The following C16orf46 variants were observed in gnomAD, a reference collection of about 807,000 sequenced individuals.
C16orf46 encodes the protein uncharacterized protein C16orf46.
C16orf46 carries 7 observed loss-of-function variants against 5.5 expected under a neutral mutation model. That is an observed-to-expected ratio of 1.28 (90% confidence interval 0.73 to 2.40). C16orf46 has a LOEUF of 2.40. Ranked by LOEUF, C16orf46 falls within the 30% of genes most tolerant of loss-of-function variation. The pLI is 0.00. For synonymous variants in C16orf46, 200 were observed against 184.1 expected, an observed-to-expected ratio of 1.09 and a Z score of -0.70; for missense variants, 614 against 476.0, an observed-to-expected ratio of 1.29 and a Z score of -2.70.
intron 1 of C16orf46, chr16:81,076,650 A>C (rs1972051835): frequency 6.5e-6 from 1 of 152,700 alleles, no homozygotes. Context: ...AGCGCAAGTC[A>C]TCAAACACAC....
chr16:81,066,659 A>C (rs1019362760), intron 1 of C16orf46, among the ~76,000 whole-genome samples: 1 of 152,216 alleles, frequency 6.6e-6, no homozygotes, highest in African/African-American at 2.4e-5. Flanking sequence ...TTTATGTTGG[A>C]ATGCAGACAT....
At chr16:81,066,967 T>C (rs1597146764) in intron 1 of C16orf46, among the ~76,000 whole-genome samples, 1 of 152,342 alleles carries the variant, frequency 6.6e-6, no homozygotes, top group East Asian at 1.9e-4. Context: ...CAGAAGGTAT[T>C]AAACTCTATT....
chr16:81,055,848 G>C (rs1201824022), intron 3 of C16orf46: 1 of 152,244 alleles, frequency 6.6e-6, no homozygotes, highest in African/African-American at 2.4e-5. Context: ...ATCCCAAGTA[G>C]CTGGGATTAT....
chr16:81,070,885 T>G (rs938920728), intron 1 of C16orf46, among the ~76,000 whole-genome samples: 1 of 152,134 alleles, frequency 6.6e-6, no homozygotes, highest in African/African-American at 2.4e-5. Flanking sequence ...ATGTATAGTT[T>G]CACTGCTGGA....
At chr16:81,055,748 G>A (rs1251832945) in intron 3 of C16orf46, among the ~76,000 whole-genome samples, 1 of 152,062 alleles carries the variant, frequency 6.6e-6, no homozygotes, top group Non-Finnish European at 1.5e-5. Flanking sequence ...GAGACGGACT[G>A]TCGCTCTGTC....
intron 3 of C16orf46, among the ~76,000 whole-genome samples, chr16:81,055,087 G>T (rs1242860327): frequency 6.6e-6 from 1 of 152,140 alleles, no homozygotes; most frequent in Non-Finnish European, 1.5e-5. Context: ...CTACTTTCCT[G>T]AAATTTAGAG....
downstream of C16orf46, among the ~76,000 whole-genome samples, chr16:81,059,820 A>G (rs1433946603): frequency 6.8e-6 from 1 of 147,900 alleles, no homozygotes; most frequent in Non-Finnish European, 1.5e-5. Flanking sequence ...ACGGGGTCTC[A>G]CTCTGTCGCC....
At chr16:81,065,896 G>A (rs1432160599) in intron 2 of C16orf46, among the ~76,000 whole-genome samples, 1 of 151,926 alleles carries the variant, frequency 6.6e-6, no homozygotes, top group Admixed American at 6.6e-5. Flanking sequence ...CTGGAGTGCA[G>A]TGGTGCGATC....
chr16:81,061,008 CA>C lies in C16orf46; in HGVS notation c.*152del, dbSNP rs148109723. Reference sequence around the variant, plus strand: ...GGTTCAGTTTTCTTCAGTTGTACTACAAAAAAAAAATGGAGGAAAAGAAGAG... The same window carrying C: ...GGTTCAGTTTTCTTCAGTTGTACTACAAAAAAAAATGGAGGAAAAGAAGAG... On this transcript the variant is annotated 3_prime_UTR_variant, in exon 4 of 4. Coordinates refer to ENST00000299578, the MANE Select transcript of C16orf46 (RefSeq NM_152337.3). The C allele has an allele frequency of 9.5e-3, 10,001 of 1,056,438 alleles. No individual in the cohort carries two copies. Among genetic ancestry groups the C allele is most frequent in the South Asian group, 0.023 (1,000 of 42,920 alleles). The allele number at this position is 1,056,438 out of a possible 1,614,324, so 65.4% of individuals were successfully genotyped here.
At chr16:81,067,187 CT>C (rs1392419571) in intron 1 of C16orf46, among the ~76,000 whole-genome samples, 1 of 152,210 alleles carries the variant, frequency 6.6e-6, no homozygotes, top group Non-Finnish European at 1.5e-5. Context: ...CAGAAAATAC[CT>C]TTTCTAGTAG....
downstream of C16orf46, among the ~76,000 whole-genome samples, chr16:81,058,895 G>A (rs972836184): frequency 5.9e-5 from 9 of 152,220 alleles, no homozygotes; most frequent in African/African-American, 1.9e-4. Flanking sequence ...TATAGTTTGA[G>A]CCTTCAGAAA....
At chr16:81,062,590 C>T (rs1202937177) in intron 3 of C16orf46, among the ~76,000 whole-genome samples, 1 of 152,202 alleles carries the variant, frequency 6.6e-6, no homozygotes, top group Non-Finnish European at 1.5e-5. Context: ...CCGCCAGTCT[C>T]TGCTTCCCTT....
intron 1 of C16orf46, among the ~76,000 whole-genome samples, chr16:81,071,020 G>T (rs8061024): frequency 6.6e-6 from 1 of 152,000 alleles, no homozygotes; most frequent in Non-Finnish European, 1.5e-5. Context: ...ATGGTTTTCC[G>T]ACTCCAGAGT....
chr16:81,061,794 G>C lies in C16orf46; in HGVS notation c.555C>G (p.Ala185=). 6.2e-7 allele frequency: 1 copy of C among 1,614,030 alleles called. No individual in the cohort carries two copies. Among genetic ancestry groups the C allele is most frequent in the South Asian group, 1.1e-5 (1 of 91,082 alleles). The part of the protein sequence containing the change: ...WAIPGTNRGK[A]SGNPSGGAHR... ...GGGCCCCTCCACTGGGATTCCCAGA[G>C]GCCTTGCCCCTATTAGTGCCGGGGA... is the stretch of plus-strand genomic sequence containing the variant. Residue 185 remains alanine (A), a synonymous_variant, in exon 4 of 4, where the codon GCC becomes GCG. Coordinates refer to ENST00000299578, the MANE Select transcript of C16orf46 (RefSeq NM_152337.3).
chr16:81,073,770 T>G (rs886139824), intron 1 of C16orf46, among the ~76,000 whole-genome samples: 1 of 151,954 alleles, frequency 6.6e-6, no homozygotes, highest in Non-Finnish European at 1.5e-5. Flanking sequence ...CCAAGGAATG[T>G]GGATGGCATT....
intron 2 of C16orf46, among the ~76,000 whole-genome samples, chr16:81,065,817 A>G (rs1409311610): frequency 3.3e-5 from 5 of 149,658 alleles, no homozygotes; most frequent in African/African-American, 1.2e-4. Context: ...TAGTTTTTTT[A>G]TTTTGTTTTG....
exon 4 of C16orf46, chr16:81,053,954 G>C (rs1971222848): frequency 1.8e-6 from 2 of 1,101,196 alleles, no homozygotes; most frequent in South Asian, 1.3e-5. Flanking sequence ...TGCAGCGTTT[G>C]ACTCTCTGCT....
intron 3 of C16orf46, 126 bp from the exon 4 acceptor site, chr16:81,062,264 T>A: frequency 1.3e-6 from 1 of 754,368 alleles, no homozygotes; most frequent in South Asian, 3.9e-5. Context: ...TTTATTTTTT[T>A]ACTACCCCTT....
At chr16:81,056,958 G>A (rs749121749), downstream of C16orf46, among the ~76,000 whole-genome samples, 15 of 152,068 alleles carry the variant, frequency 9.9e-5, no homozygotes, top group Non-Finnish European at 1.9e-4. Context: ...CTAAACCAGC[G>A]GTTCTCAGCT....
Sources: gnomAD v4.1 joint callset for allele counts (sites outside exome capture counted in the v4.1 genomes callset) on GRCh38, gnomAD v4.1.1 for gene constraint, MANE v1.5 for transcripts, NCBI Gene and HGNC (gene_info 2026-07-23, HGNC 2026-07-21) for gene names.